Variants in ROBO1 observed in about 807,000 individuals in gnomAD.
The protein encoded by ROBO1 is roundabout guidance receptor 1, also known as roundabout homolog 1.
A neutral mutation model predicts 195.9 loss-of-function variants in ROBO1; 149 were observed. The observed-to-expected ratio is 0.76, with a 90% CI of 0.67 to 0.87. ROBO1 has a LOEUF of 0.87. Among genes scored for constraint, ROBO1 ranks in the 40% least tolerant of loss-of-function variants. The pLI, the probability that ROBO1 is intolerant of heterozygous loss-of-function variation, is 0.00. For synonymous variants in ROBO1, 816 were observed against 733.2 expected (o/e 1.11, Z -1.82); for missense variants, 1,933 against 2,068.3 (o/e 0.93, Z 1.27).
chr3:78,875,073 C>A (rs2035760147), intron 4 of ROBO1, among the ~76,000 whole-genome samples: 1 of 151,892 alleles, frequency 6.6e-6, no homozygotes. Flanking sequence ...TATCATAAAT[C>A]TACTGAAAAG....
At chr3:78,942,921 T>G (rs1017068392) in intron 3 of ROBO1, among the ~76,000 whole-genome samples, 1 of 151,758 alleles carries the variant, frequency 6.6e-6, no homozygotes, top group Middle Eastern at 3.4e-3. Flanking sequence ...CTAAAAAGTT[T>G]ATTTTTTTTT....
At chr3:79,608,911 G>A (rs1944571447) in intron 1 of ROBO1, among the ~76,000 whole-genome samples, 1 of 151,884 alleles carries the variant, frequency 6.6e-6, no homozygotes, top group African/African-American at 2.4e-5. Flanking sequence ...TGAGAGCTAT[G>A]AGGGCACTTC....
intron 2 of ROBO1, among the ~76,000 whole-genome samples, chr3:79,573,877 C>A (rs1441627286): frequency 6.6e-6 from 1 of 152,070 alleles, no homozygotes; most frequent in Non-Finnish European, 1.5e-5. Flanking sequence ...AATAAAGACT[C>A]AATGAAGAGC....
chr3:79,576,590 C>T (rs10451952), intron 2 of ROBO1, among the ~76,000 whole-genome samples: 1,672 of 152,082 alleles, frequency 0.011, 29 homozygotes, highest in African/African-American at 0.038. Flanking sequence ...ACATTTCACA[C>T]GGCTGGTAGA....
chr3:79,049,243 T>C (rs1266441134), intron 3 of ROBO1, among the ~76,000 whole-genome samples: 1 of 152,162 alleles, frequency 6.6e-6, no homozygotes, highest in African/African-American at 2.4e-5. Flanking sequence ...GAGAACTTCA[T>C]GATGCATTCA....
At chr3:78,885,436 A>C (rs796185999) in intron 4 of ROBO1, among the ~76,000 whole-genome samples, 2 of 150,084 alleles carry the variant, frequency 1.3e-5, no homozygotes, top group African/African-American at 4.9e-5. Context: ...AAAAAAAAAA[A>C]AAAAAACTGA....
intron 2 of ROBO1, among the ~76,000 whole-genome samples, chr3:79,305,487 C>CAAAAAAAAAAAA: frequency 1.8e-5 from 1 of 55,704 alleles, no homozygotes; most frequent in Non-Finnish European, 3.6e-5. Flanking sequence ...AACTCCATCT[C>CAAAAAAAAAAAA]AAAAAAAAAA....
chr3:79,114,787 A>G (rs899056108), intron 3 of ROBO1, among the ~76,000 whole-genome samples: 3 of 152,132 alleles, frequency 2.0e-5, no homozygotes, highest in African/African-American at 7.2e-5. Context: ...TGGAAGAAAC[A>G]TATTCCACAT....
At chr3:79,746,602 C>G (rs1428188548) in intron 1 of ROBO1, among the ~76,000 whole-genome samples, 1 of 152,040 alleles carries the variant, frequency 6.6e-6, no homozygotes, top group Non-Finnish European at 1.5e-5. Flanking sequence ...ATTTCCATTT[C>G]AGGGCCTCTG....
chr3:79,554,809 C>A (rs944355952), intron 2 of ROBO1, among the ~76,000 whole-genome samples: 2 of 152,038 alleles, frequency 1.3e-5, no homozygotes, highest in Non-Finnish European at 2.9e-5. Context: ...ATCCCTTAAA[C>A]GTTTGAACAT....
At chr3:79,283,797 A>G (rs955801752) in intron 2 of ROBO1, among the ~76,000 whole-genome samples, 3 of 150,288 alleles carry the variant, frequency 2.0e-5, no homozygotes, top group Non-Finnish European at 4.4e-5. Flanking sequence ...TCCCGGGTTC[A>G]CGCCATTCTC....
At chr3:79,497,203 G>A (rs1268837331) in intron 2 of ROBO1, among the ~76,000 whole-genome samples, 1 of 152,172 alleles carries the variant, frequency 6.6e-6, no homozygotes, top group Non-Finnish European at 1.5e-5. Context: ...TTGTTCGTCT[G>A]ATACACATTA....
At chr3:78,872,205 G>C (rs531288635) in intron 4 of ROBO1, among the ~76,000 whole-genome samples, 2 of 152,262 alleles carry the variant, frequency 1.3e-5, no homozygotes, top group South Asian at 4.1e-4. Flanking sequence ...GTGACTACTT[G>C]TTCTGACCAT....
At chr3:78,881,865 T>C (rs1353591296) in intron 4 of ROBO1, among the ~76,000 whole-genome samples, 1 of 152,170 alleles carries the variant, frequency 6.6e-6, no homozygotes, top group Non-Finnish European at 1.5e-5. Flanking sequence ...AATTTAATAT[T>C]ATACTTTTAA....
At position 79,060,849 on chromosome 3, in the gene ROBO1, T is replaced by C. The variant is rs1373519568; in HGVS notation, c.172+64607A>G. Among the ~76,000 whole-genome samples the C allele has an allele frequency of 2.0e-5, 3 of 152,154 alleles. No individual in the cohort carries two copies. The East Asian group carries it at 5.8e-4, about 29-fold the overall frequency. On this transcript the variant is annotated intron_variant, in intron 3 of 30. Coordinates refer to ENST00000464233, the MANE Select transcript of ROBO1 (RefSeq NM_002941.4). ...AAACTAGGTATTGATGGACTATATC[T>C]CAAAATAATAAGAGCTATTTATGAC...
chr3:79,385,613 A>G (rs940601134), intron 2 of ROBO1, among the ~76,000 whole-genome samples: 1 of 152,140 alleles, frequency 6.6e-6, no homozygotes, highest in African/African-American at 2.4e-5. Flanking sequence ...TTGTGACCTT[A>G]AAACTTCTTG....
intron 2 of ROBO1, among the ~76,000 whole-genome samples, chr3:79,255,332 A>T (rs2082811121): frequency 6.6e-6 from 1 of 152,154 alleles, no homozygotes; most frequent in Non-Finnish European, 1.5e-5. Context: ...TGCAGCCTGG[A>T]CAACAGAGCA....
chr3:79,413,375 A>C (rs2106874845), intron 2 of ROBO1, among the ~76,000 whole-genome samples: 1 of 151,086 alleles, frequency 6.6e-6, no homozygotes, highest in East Asian at 2.0e-4. Context: ...TGCAGAGAAA[A>C]GTTCTGTGAA....
intron 8 of ROBO1, among the ~76,000 whole-genome samples, chr3:78,699,525 C>T (rs752504700): frequency 6.6e-5 from 10 of 150,576 alleles, no homozygotes; most frequent in Non-Finnish European, 1.2e-4. Flanking sequence ...GTCAAGATCA[C>T]GCCACTGTGC....
Sources: gnomAD v4.1 joint callset for allele counts (sites outside exome capture counted in the v4.1 genomes callset) on GRCh38, gnomAD v4.1.1 for gene constraint, MANE v1.5 for transcripts, NCBI Gene and HGNC (gene_info 2026-07-23, HGNC 2026-07-21) for gene names.